ACVR1: variants seen among roughly 807,000 people sequenced by gnomAD.
ACVR1 encodes activin receptor type-1.
A neutral mutation model predicts 57.1 loss-of-function variants in ACVR1; 38 were observed. That is an observed-to-expected ratio of 0.67 (90% confidence interval 0.51 to 0.87). The LOEUF is 0.87. Ranked by LOEUF, ACVR1 falls within the 40% of genes least tolerant of loss-of-function variation. The pLI, the probability that ACVR1 is intolerant of heterozygous loss-of-function variation, is 0.00. For synonymous variants in ACVR1, 212 were observed against 228.1 expected (o/e 0.93, Z 0.63); for missense variants, 463 against 638.2 (o/e 0.73, Z 2.96).
At chr2:157,796,131 A>G (rs1687108203) in intron 3 of ACVR1, among the ~76,000 whole-genome samples, 1 of 150,270 alleles carries the variant, frequency 6.7e-6, no homozygotes, top group Admixed American at 6.7e-5. Context: ...CTGAGACAGG[A>G]GGAATGCTTG....
At chr2:157,747,242 G>A (rs1482001711) in intron 9 of ACVR1, among the ~76,000 whole-genome samples, 3 of 152,176 alleles carry the variant, frequency 2.0e-5, no homozygotes, top group Non-Finnish European at 2.9e-5. Context: ...CCTAGGGTAT[G>A]GGGGATATTG....
chr2:157,826,681 G>C (rs1574115922), intron 1 of ACVR1: 1 of 98,850 alleles, frequency 1.0e-5, no homozygotes, highest in Non-Finnish European at 2.2e-5. Context: ...CAAAAGAAAA[G>C]AAAGAAAAAG....
intron 4 of ACVR1, among the ~76,000 whole-genome samples, chr2:157,779,653 G>A (rs3768793): frequency 0.78 from 118,706 of 152,140 alleles, 46,411 homozygotes; most frequent in East Asian, 0.93. Context: ...AATTTGGCTT[G>A]GAATGAGTTT....
At chr2:157,806,393 T>G (rs534184775) in intron 2 of ACVR1, among the ~76,000 whole-genome samples, 4 of 152,194 alleles carry the variant, frequency 2.6e-5, no homozygotes, top group African/African-American at 9.6e-5. Flanking sequence ...GCCCCCATCC[T>G]CCATCCCTAC....
At chr2:157,820,548 C>G (rs887500685) in intron 1 of ACVR1, among the ~76,000 whole-genome samples, 3 of 151,494 alleles carry the variant, frequency 2.0e-5, no homozygotes, top group African/African-American at 7.3e-5. Flanking sequence ...TTCTGATTCT[C>G]TTTTTAAAAA....
At chr2:157,757,334 CA>C (rs1023875128) in intron 9 of ACVR1, among the ~76,000 whole-genome samples, 2 of 151,338 alleles carry the variant, frequency 1.3e-5, no homozygotes, top group African/African-American at 4.8e-5. Flanking sequence ...CCCTATCCCC[CA>C]AAAAAAGCTG....
At chr2:157,812,618 C>T (rs1408717008) in intron 2 of ACVR1, among the ~76,000 whole-genome samples, 1 of 152,150 alleles carries the variant, frequency 6.6e-6, no homozygotes, top group Non-Finnish European at 1.5e-5. Flanking sequence ...AATATATACA[C>T]ACATACACAT....
chr2:157,755,386 T>C (rs1451971257), intron 9 of ACVR1, among the ~76,000 whole-genome samples: 1 of 152,094 alleles, frequency 6.6e-6, no homozygotes, highest in East Asian at 1.9e-4. Flanking sequence ...AAAAAGCTCC[T>C]ATAACTGATA....
chr2:157,826,765 GGAAAGGAAAGGAAAGGAAAGGA>G (rs1688384222), intron 1 of ACVR1: 1 of 76,232 alleles, frequency 1.3e-5, no homozygotes, highest in Admixed American at 1.4e-4. Flanking sequence ...GGAAAGGAAA[GGAAAGGAAAGGAAAGGAAAGGA>G]AAGGGAAAGG....
chr2:157,783,671 C>T (rs568121124), intron 3 of ACVR1, among the ~76,000 whole-genome samples: 29 of 152,254 alleles, frequency 1.9e-4, no homozygotes, highest in Middle Eastern at 6.8e-3. Context: ...GTTAATGATA[C>T]GTAATAATTA....
At chr2:157,855,309 TA>T in intron 1 of ACVR1, among the ~76,000 whole-genome samples, 1 of 35,476 alleles carries the variant, frequency 2.8e-5, no homozygotes. Flanking sequence ...TGTGTGTGTG[TA>T]TATATATATA....
chr2:157,793,315 C>T (rs1420586107), intron 3 of ACVR1, among the ~76,000 whole-genome samples: 1 of 152,070 alleles, frequency 6.6e-6, no homozygotes, highest in Non-Finnish European at 1.5e-5. Context: ...TCCTCCCACA[C>T]CCTACTGCTA....
chr2:157,812,533 T>C (rs191913042), intron 2 of ACVR1, among the ~76,000 whole-genome samples: 29 of 152,340 alleles, frequency 1.9e-4, no homozygotes, highest in Non-Finnish European at 3.4e-4. Flanking sequence ...AAACTATGTA[T>C]GCTTCTTTTC....
chr2:157,812,419 TA>T (rs998433983), intron 2 of ACVR1, among the ~76,000 whole-genome samples: 11 of 151,718 alleles, frequency 7.3e-5, no homozygotes, highest in Admixed American at 2.6e-4. Flanking sequence ...ATGGACCCAT[TA>T]AAAAAAAGGC....
intron 1 of ACVR1, among the ~76,000 whole-genome samples, chr2:157,835,422 T>C (rs1300821011): frequency 6.6e-6 from 1 of 152,230 alleles, no homozygotes; most frequent in East Asian, 1.9e-4. Flanking sequence ...ATAAGCACCA[T>C]TAAAGGGTAA....
chr2:157,812,283 C>G (rs1687777175), intron 2 of ACVR1, among the ~76,000 whole-genome samples: 1 of 152,096 alleles, frequency 6.6e-6, no homozygotes, highest in Non-Finnish European at 1.5e-5. Context: ...GGTCAAATGG[C>G]CAGGTTCTTC....
intron 9 of ACVR1, among the ~76,000 whole-genome samples, chr2:157,759,930 A>AG (rs1685578968): frequency 6.6e-6 from 1 of 152,124 alleles, no homozygotes; most frequent in African/African-American, 2.4e-5. Context: ...CAGGTACAGA[A>AG]GGAATATACA....
intron 4 of ACVR1, among the ~76,000 whole-genome samples, chr2:157,778,790 AT>A (rs1452056950): frequency 6.6e-6 from 1 of 151,976 alleles, no homozygotes; most frequent in Non-Finnish European, 1.5e-5. Context: ...TTTCTCACTG[AT>A]TTTTTTACAT....
At chr2:157,799,371 C>CAAAA (rs3030646) in intron 3 of ACVR1, 56 bp downstream of exon 3, 269 of 1,105,716 alleles carry the variant, frequency 2.4e-4, no homozygotes, top group Non-Finnish European at 2.9e-4. Flanking sequence ...TATAGTAAGC[C>CAAAA]AAAAAAAAAA....
Sources: gnomAD v4.1 joint callset for allele counts (sites outside exome capture counted in the v4.1 genomes callset) on GRCh38, gnomAD v4.1.1 for gene constraint, MANE v1.5 for transcripts, NCBI Gene and HGNC (gene_info 2026-07-23, HGNC 2026-07-21) for gene names.